KAT2B: variants seen among roughly 807,000 people sequenced by gnomAD.
KAT2B encodes the protein lysine acetyltransferase 2B.
A neutral mutation model predicts 105.9 loss-of-function variants in KAT2B; 36 were observed. The ratio of observed to expected loss-of-function variants is 0.34; its 90% CI spans 0.26 to 0.45. The LOEUF is 0.45. Ranked by LOEUF, KAT2B falls within the 20% of genes least tolerant of loss-of-function variation. The pLI, the probability that KAT2B is intolerant of heterozygous loss-of-function variation, is 1.00. For synonymous variants in KAT2B, 397 were observed against 377.9 expected (o/e 1.05, Z -0.59); for missense variants, 820 against 1,021.6 (o/e 0.80, Z 2.69).
At chr3:20,064,001 C>T (rs151291624) in intron 1 of KAT2B, among the ~76,000 whole-genome samples, 2 of 152,272 alleles carry the variant, frequency 1.3e-5, no homozygotes, top group Admixed American at 1.3e-4. Flanking sequence ...ATGGTCTTGG[C>T]ACACTTGTCA....
At chr3:20,105,345 C>T (rs1158615321) in intron 5 of KAT2B, among the ~76,000 whole-genome samples, 2 of 152,272 alleles carry the variant, frequency 1.3e-5, no homozygotes, top group South Asian at 2.1e-4. Flanking sequence ...AAGAAAGTGT[C>T]ACAGGATTAT....
At chr3:20,051,139 G>A (rs1003414541) in intron 1 of KAT2B, among the ~76,000 whole-genome samples, 6 of 149,418 alleles carry the variant, frequency 4.0e-5, no homozygotes, top group Non-Finnish European at 5.9e-5. Flanking sequence ...GGCAGAGGTT[G>A]CAGTGAGCCA....
intron 5 of KAT2B, among the ~76,000 whole-genome samples, chr3:20,110,688 A>AG (rs1167571831): frequency 2.1e-5 from 3 of 140,734 alleles, no homozygotes; most frequent in Non-Finnish European, 4.5e-5. Context: ...AAAAAAAAAA[A>AG]AAAGAAAGAA....
chr3:20,067,415 C>A (rs1206627884), intron 1 of KAT2B, among the ~76,000 whole-genome samples: 1 of 151,968 alleles, frequency 6.6e-6, no homozygotes, highest in African/African-American at 2.4e-5. Context: ...ATTTATGAGC[C>A]CCCAGTGAAC....
At chr3:20,140,467 ACT>A (rs1296740530) in intron 13 of KAT2B, 103 bp downstream of exon 13, 1 of 1,175,496 alleles carries the variant, frequency 8.5e-7, no homozygotes, top group African/African-American at 1.5e-5. Flanking sequence ...TGGATAGCAA[ACT>A]CTCGGTTTGC....
chr3:20,149,122 A>G (rs545340068), intron 17 of KAT2B: 1 of 152,308 alleles, frequency 6.6e-6, no homozygotes, highest in East Asian at 1.9e-4. Flanking sequence ...TCTAAAATTA[A>G]TGATTAATTG....
In KAT2B at chr3:20,040,666, G is replaced by A; in HGVS notation, c.189G>A (p.Thr63=). The A allele has an allele frequency of 6.5e-7, 1 of 1,534,948 alleles. No homozygotes were observed. The highest frequency in any genetic ancestry group is 8.7e-7 in the Non-Finnish European group (1 of 1,146,966). ...GPATAVAAAG[T]AEGPGGGGSA... Reference sequence around the variant, plus strand: ...CGACGGCAGTGGCTGCAGCGGGCACGGCCGAAGGACCGGGAGGCGGTGGCT... The same window carrying A: ...CGACGGCAGTGGCTGCAGCGGGCACAGCCGAAGGACCGGGAGGCGGTGGCT... The change falls in exon 1 of 18, where the codon ACG becomes ACA. Residue 63 remains threonine (T), a synonymous_variant. Coordinates refer to ENST00000263754, the MANE Select transcript of KAT2B (RefSeq NM_003884.5).
chr3:20,052,324 G>T (rs1246148987), intron 1 of KAT2B, among the ~76,000 whole-genome samples: 1 of 152,168 alleles, frequency 6.6e-6, no homozygotes, highest in Non-Finnish European at 1.5e-5. Context: ...TATGACAATA[G>T]AAGCTCCATG....
Position 20,095,297 on chromosome 3 carries a change from G to C in KAT2B, c.465G>C (p.Glu155Asp). ...TTTCCCACCTGGAGAATGTGTCAGA[G>C]GAAGAAATGAACAGACTCCTGGGAA... ...AHVSHLENVS[E>D]EEMNRLLGIV... Residue 155 changes from glutamate (E) to aspartate (D), a missense_variant, in exon 3 of 18, where the codon GAG becomes GAC. Transcript: ENST00000263754. 1.9e-6 allele frequency: 3 copies of C among 1,611,942 alleles called. No homozygotes were observed. Among genetic ancestry groups the C allele is most frequent in the Non-Finnish European group, 2.5e-6 (3 of 1,178,152 alleles).
intron 10 of KAT2B, 105 bp from the exon 11 acceptor site, chr3:20,127,318 C>G: frequency 9.9e-7 from 1 of 1,013,996 alleles, no homozygotes; most frequent in Non-Finnish European, 1.5e-6. Context: ...TCTATAGAAA[C>G]TTAGGACATG....
intron 2 of KAT2B, among the ~76,000 whole-genome samples, chr3:20,081,402 G>A (rs1000402151): frequency 6.6e-6 from 1 of 152,166 alleles, no homozygotes; most frequent in Admixed American, 6.5e-5. Context: ...GTGATTCTTG[G>A]CAGCAGTCAC....
At chr3:20,060,014 CG>C (rs1485522649) in intron 1 of KAT2B, among the ~76,000 whole-genome samples, 1 of 152,110 alleles carries the variant, frequency 6.6e-6, no homozygotes, top group Non-Finnish European at 1.5e-5. Context: ...CTTCTTATGC[CG>C]AGTGTAATGT....
chr3:20,150,972 G>GA lies in KAT2B; in HGVS notation c.2306-1357dup, dbSNP rs199599035. 6.5e-3 allele frequency among the ~76,000 whole-genome samples: 983 copies of GA among 152,260 alleles called. 17 individuals are homozygous for GA. The highest frequency in any genetic ancestry group is 0.022 in the African/African-American group (919 of 41,548). On this transcript the variant is annotated intron_variant, in intron 17 of 17. Transcript: ENST00000263754. ...GTGGTAGACATTTAGGTGGAAAAGT[G>GA]AAAGGAATGTAAACATCTACTTTTA...
chr3:20,055,235 G>C (rs1697985624), intron 1 of KAT2B, among the ~76,000 whole-genome samples: 1 of 152,136 alleles, frequency 6.6e-6, no homozygotes, highest in African/African-American at 2.4e-5. Context: ...AGATTTCGCA[G>C]CTGTAATGTG....
At chr3:20,149,997 G>T (rs931054182) in intron 17 of KAT2B, among the ~76,000 whole-genome samples, 7 of 152,236 alleles carry the variant, frequency 4.6e-5, no homozygotes, top group African/African-American at 1.7e-4. Context: ...TGCAGCGATA[G>T]GTCTAGCAGA....
In KAT2B at chr3:20,076,293, T is replaced by G. The variant is rs562458318; in HGVS notation, c.430+3834T>G. ...GGATGTATATTGAGTTGCTGACTGATTTTCTCAGGGTACGGGGGGTATAGG... is the reference window on the plus strand; with the variant it reads ...GGATGTATATTGAGTTGCTGACTGAGTTTCTCAGGGTACGGGGGGTATAGG... On this transcript the variant is annotated intron_variant, in intron 2 of 17. Transcript: ENST00000263754. Among the ~76,000 whole-genome samples, 34 of 152,150 alleles carry G rather than the reference T, an allele frequency of 2.2e-4. 1 individual carries two copies. The highest frequency in any genetic ancestry group is 4.7e-4 in the Non-Finnish European group (32 of 68,032).
chr3:20,072,551 A>C, intron 2 of KAT2B, 92 bp downstream of exon 2: 1 of 1,244,506 alleles, frequency 8.0e-7, no homozygotes, highest in Non-Finnish European at 1.2e-6. Context: ...CCAAATTTGA[A>C]TGCTGTGTAC....
intron 1 of KAT2B, among the ~76,000 whole-genome samples, chr3:20,051,864 A>G (rs919640783): frequency 6.6e-6 from 1 of 152,260 alleles, no homozygotes; most frequent in Non-Finnish European, 1.5e-5. Flanking sequence ...ATTTACTTAA[A>G]GATTGTGTGT....
intron 1 of KAT2B, among the ~76,000 whole-genome samples, chr3:20,044,588 CG>C (rs36059306): frequency 0.16 from 24,149 of 151,874 alleles, 2,074 homozygotes; most frequent in Non-Finnish European, 0.19. Flanking sequence ...TTCACCTAGT[CG>C]GGGGTGAGGT....
Sources: gnomAD v4.1 joint callset for allele counts (sites outside exome capture counted in the v4.1 genomes callset) on GRCh38, gnomAD v4.1.1 for gene constraint, MANE v1.5 for transcripts, NCBI Gene and HGNC (gene_info 2026-07-23, HGNC 2026-07-21) for gene names.